The following ANKS1B variants were observed in gnomAD, a reference collection of about 807,000 sequenced individuals.
ANKS1B encodes ankyrin repeat and sterile alpha motif domain containing 1B.
ANKS1B carries 36 observed loss-of-function variants against 148.3 expected under a neutral mutation model. The observed-to-expected ratio is 0.24, with a 90% CI of 0.19 to 0.32. The LOEUF (loss-of-function observed/expected upper bound fraction) is 0.32, where lower values mean the gene tolerates loss of function less well. ANKS1B is among the 10% of genes least tolerant of loss of function. The pLI is 1.00. For synonymous variants in ANKS1B, 542 were observed against 560.8 expected (o/e 0.97, Z 0.47); for missense variants, 1,157 against 1,542.6 (o/e 0.75, Z 4.19).
At chr12:98,873,206 T>C (rs540474936) in intron 17 of ANKS1B, among the ~76,000 whole-genome samples, 12 of 152,166 alleles carry the variant, frequency 7.9e-5, no homozygotes, top group Non-Finnish European at 1.2e-4. Flanking sequence ...ATTGCTTCCA[T>C]TGGCAACTCC....
In ANKS1B at chr12:99,085,004, T is replaced by C. The variant is rs1290527307; in HGVS notation, c.2546A>G (p.Asp849Gly). Residue 849 changes from aspartate to glycine, a missense_variant, in exon 16 of 27, where the codon GAT (aspartate) becomes GGT (glycine). Around this residue, in one of 6 missense-constraint regions of ANKS1B, gnomAD observed 258 missense variants for 497.0 expected, o/e 0.52. Transcript: ENST00000683438. ...GATTCCAATTTCCAACAAATCCTGA[T>C]CTTCCATAACATTGCTTCCCTGAAA... ...VQFMGSNVMEDQDLLEIGILN... is the reference protein window; with the variant it reads ...VQFMGSNVMEGQDLLEIGILN... 6.2e-7 allele frequency: 1 copy of C among 1,608,878 alleles called. No individual in the cohort carries two copies. The highest frequency in any genetic ancestry group is 8.5e-7 in the Non-Finnish European group (1 of 1,177,430).
intron 15 of ANKS1B, among the ~76,000 whole-genome samples, chr12:99,130,023 A>G (rs1315501742): frequency 1.3e-5 from 2 of 152,178 alleles, no homozygotes; most frequent in Admixed American, 1.3e-4. Context: ...CAATTTTAAG[A>G]GGAACACAAT....
intron 8 of ANKS1B, among the ~76,000 whole-genome samples, chr12:99,748,415 A>ATT (rs34522138): frequency 1.3e-4 from 19 of 149,126 alleles, no homozygotes; most frequent in Admixed American, 4.7e-4. Flanking sequence ...ATCTGAAGAG[A>ATT]TTTTTTTTTT....
At chr12:99,085,314 T>C (rs1159065217) in intron 15 of ANKS1B, among the ~76,000 whole-genome samples, 1 of 151,744 alleles carries the variant, frequency 6.6e-6, no homozygotes, top group Non-Finnish European at 1.5e-5. Flanking sequence ...CTGCACATTG[T>C]GCACATGTAC....
At chr12:99,879,230 G>A (rs2092330640) in intron 1 of ANKS1B, among the ~76,000 whole-genome samples, 1 of 152,160 alleles carries the variant, frequency 6.6e-6, no homozygotes, top group Admixed American at 6.5e-5. Flanking sequence ...TATCTGAAGA[G>A]GTGTTAAGAG....
At chr12:99,025,059 G>A (rs2099947976) in intron 17 of ANKS1B, among the ~76,000 whole-genome samples, 1 of 152,098 alleles carries the variant, frequency 6.6e-6, no homozygotes, top group Non-Finnish European at 1.5e-5. Flanking sequence ...ACTCTGTATG[G>A]CATGTGGTAC....
chr12:99,560,979 TG>T (rs2097330367), intron 9 of ANKS1B, among the ~76,000 whole-genome samples: 1 of 151,284 alleles, frequency 6.6e-6, no homozygotes, highest in Admixed American at 6.6e-5. Flanking sequence ...CCTGAGTAGC[TG>T]GGACTACAGG....
chr12:99,657,079 T>C (rs1223174483), intron 8 of ANKS1B, among the ~76,000 whole-genome samples: 1 of 152,172 alleles, frequency 6.6e-6, no homozygotes, highest in Non-Finnish European at 1.5e-5. Context: ...ACAATAATAA[T>C]AACAACTGTT....
intron 14 of ANKS1B, among the ~76,000 whole-genome samples, chr12:99,218,065 T>G (rs554505843): frequency 6.6e-6 from 1 of 152,234 alleles, no homozygotes; most frequent in South Asian, 2.1e-4. Context: ...GGTACACAGA[T>G]TCCAAGGATG....
intron 2 of ANKS1B, among the ~76,000 whole-genome samples, chr12:99,817,579 G>A (rs938918683): frequency 3.3e-5 from 5 of 151,422 alleles, no homozygotes; most frequent in Admixed American, 3.3e-4. Flanking sequence ...AGTTTTTTAA[G>A]GAACCTCCAT....
At chr12:99,793,304 C>T in intron 4 of ANKS1B, among the ~76,000 whole-genome samples, 1 of 152,012 alleles carries the variant, frequency 6.6e-6, no homozygotes, top group East Asian at 1.9e-4. Context: ...TATCAACATA[C>T]CAATGACATT....
intron 12 of ANKS1B, among the ~76,000 whole-genome samples, chr12:99,292,514 CAA>C (rs58344288): frequency 1.7e-5 from 2 of 120,084 alleles, no homozygotes; most frequent in Non-Finnish European, 3.5e-5. Flanking sequence ...GACTCCATCT[CAA>C]AAAAAAAAAA....
intron 12 of ANKS1B, among the ~76,000 whole-genome samples, chr12:99,332,281 C>A (rs2087716495): frequency 6.6e-6 from 1 of 152,038 alleles, no homozygotes; most frequent in Admixed American, 6.6e-5. Flanking sequence ...AAGCACTGAT[C>A]TACAACATAT....
intron 8 of ANKS1B, among the ~76,000 whole-genome samples, chr12:99,714,367 C>T (rs2057024730): frequency 1.3e-5 from 2 of 152,190 alleles, no homozygotes. Context: ...AGTCATACCT[C>T]ATTTTATTGT....
chr12:98,894,742 G>A (rs1400539765), intron 17 of ANKS1B: 5 of 985,510 alleles, frequency 5.1e-6, no homozygotes, highest in African/African-American at 1.7e-5. Flanking sequence ...TTGCCTCTGT[G>A]CATCTTTCTG....
chr12:99,656,677 A>C (rs994912469), intron 8 of ANKS1B, among the ~76,000 whole-genome samples: 2 of 152,130 alleles, frequency 1.3e-5, no homozygotes, highest in African/African-American at 4.8e-5. Flanking sequence ...GGTCAAAGAA[A>C]TAAAGCATGA....
chr12:99,824,741 C>T (rs2082955523), intron 2 of ANKS1B, among the ~76,000 whole-genome samples: 1 of 152,140 alleles, frequency 6.6e-6, no homozygotes, highest in African/African-American at 2.4e-5. Context: ...CACACTCTTG[C>T]ACTCTCCATA....
chr12:98,765,710 C>T (rs574475981), intron 25 of ANKS1B, among the ~76,000 whole-genome samples: 1 of 152,258 alleles, frequency 6.6e-6, no homozygotes, highest in East Asian at 1.9e-4. Context: ...GTTCTCCTGC[C>T]TCAGCCTCCC....
At chr12:99,118,090 G>T (rs1010142066) in intron 15 of ANKS1B, among the ~76,000 whole-genome samples, 2 of 152,120 alleles carry the variant, frequency 1.3e-5, no homozygotes, top group African/African-American at 4.8e-5. Flanking sequence ...CAATAAAAAT[G>T]ATTAAAGTAG....
Sources: allele counts gnomAD v4.1 joint callset (sites outside exome capture counted in the v4.1 genomes callset), GRCh38; gene constraint gnomAD v4.1.1; regional missense constraint gnomAD v4.1.1; transcripts MANE v1.5; gene names NCBI Gene and HGNC (gene_info 2026-07-23, HGNC 2026-07-21).